Variants in GRM5 observed in about 807,000 individuals in gnomAD.
GRM5 encodes the protein metabotropic glutamate receptor 5.
A neutral mutation model predicts 83.1 loss-of-function variants in GRM5; 19 were observed. The observed-to-expected ratio is 0.23, with a 90% confidence interval of 0.16 to 0.34. The LOEUF (loss-of-function observed/expected upper bound fraction) is 0.34. GRM5 is among the 10% of genes least tolerant of loss of function. The pLI, the probability that GRM5 is intolerant of heterozygous loss-of-function variation, is 1.00. For synonymous variants in GRM5, 675 were observed against 633.6 expected (o/e 1.07, Z -0.98); for missense variants, 1,160 against 1,588.3 (o/e 0.73, Z 4.58).
intron 2 of GRM5, among the ~76,000 whole-genome samples, chr11:88,985,773 T>A (rs1939686446): frequency 6.6e-6 from 1 of 152,124 alleles, no homozygotes; most frequent in African/African-American, 2.4e-5. Flanking sequence ...CAGATGCAAG[T>A]ATGCACATCA....
chr11:88,866,099 C>T (rs560070263), intron 2 of GRM5, among the ~76,000 whole-genome samples: 1 of 152,114 alleles, frequency 6.6e-6, no homozygotes, highest in Non-Finnish European at 1.5e-5. Context: ...TATAAAGACA[C>T]ATTCACACAT....
At chr11:88,963,756 A>G (rs1487626602) in intron 2 of GRM5, among the ~76,000 whole-genome samples, 1 of 152,188 alleles carries the variant, frequency 6.6e-6, no homozygotes, top group Non-Finnish European at 1.5e-5. Flanking sequence ...CGAAACGAAT[A>G]TAAAATACGT....
chr11:88,890,282 T>C (rs888876897), intron 2 of GRM5, among the ~76,000 whole-genome samples: 2 of 152,144 alleles, frequency 1.3e-5, no homozygotes, highest in Non-Finnish European at 2.9e-5. Flanking sequence ...TAGTATAAAA[T>C]GGCACACTTA....
At chr11:88,909,167 G>A (rs1482999295) in intron 2 of GRM5, among the ~76,000 whole-genome samples, 6 of 152,100 alleles carry the variant, frequency 3.9e-5, no homozygotes, top group Non-Finnish European at 8.8e-5. Flanking sequence ...TGTTCCTTGA[G>A]TATATTATTG....
At chr11:88,856,929 A>T (rs1224449481) in intron 2 of GRM5, among the ~76,000 whole-genome samples, 4 of 152,090 alleles carry the variant, frequency 2.6e-5, no homozygotes, top group Non-Finnish European at 4.4e-5. Flanking sequence ...ACAAAGACTG[A>T]TTGTGTAACA....
chr11:88,627,362 AT>A (rs908053491), intron 4 of GRM5, among the ~76,000 whole-genome samples: 3 of 65,224 alleles, frequency 4.6e-5, no homozygotes. Flanking sequence ...AGTTTACCCT[AT>A]AATTTCTTTG....
At chr11:88,698,186 T>C (rs571332568) in intron 3 of GRM5, among the ~76,000 whole-genome samples, 26 of 152,322 alleles carry the variant, frequency 1.7e-4, no homozygotes, top group African/African-American at 6.3e-4. Context: ...TTCCCATTTC[T>C]CTCAGGGTAA....
intron 2 of GRM5, among the ~76,000 whole-genome samples, chr11:88,855,766 G>A (rs1336244433): frequency 6.6e-6 from 1 of 151,710 alleles, no homozygotes; most frequent in Admixed American, 6.6e-5. Flanking sequence ...GTTGCCTATT[G>A]CATATATTCA....
intron 3 of GRM5, among the ~76,000 whole-genome samples, chr11:88,741,340 G>A (rs1325842306): frequency 6.6e-6 from 1 of 152,066 alleles, no homozygotes; most frequent in Non-Finnish European, 1.5e-5. Flanking sequence ...CACCTGCTTC[G>A]GTAGGTGTAG....
At chr11:88,601,558 AT>A (rs1355818904) in intron 5 of GRM5, among the ~76,000 whole-genome samples, 1 of 152,162 alleles carries the variant, frequency 6.6e-6, no homozygotes, top group Non-Finnish European at 1.5e-5. Context: ...AATATAAGAA[AT>A]TTGGCTTTGT....
chr11:89,063,360 C>T (rs957996957), intron 1 of GRM5: 5 of 152,248 alleles, frequency 3.3e-5, no homozygotes, highest in Non-Finnish European at 7.3e-5. Flanking sequence ...CTTTGGCCAC[C>T]CCTGCTCCAC....
chr11:89,048,810 G>T (rs570018754), intron 1 of GRM5, among the ~76,000 whole-genome samples: 1 of 152,216 alleles, frequency 6.6e-6, no homozygotes, highest in Admixed American at 6.5e-5. Flanking sequence ...CCAATTTTTA[G>T]AGAAAAGAAT....
At chr11:88,644,833 C>A (rs1292056068) in intron 4 of GRM5, among the ~76,000 whole-genome samples, 1 of 151,934 alleles carries the variant, frequency 6.6e-6, no homozygotes, top group Non-Finnish European at 1.5e-5. Context: ...GAATTAAGCA[C>A]CACAGTGGCA....
intron 3 of GRM5, among the ~76,000 whole-genome samples, chr11:88,846,842 G>T (rs575944337): frequency 6.6e-6 from 1 of 152,138 alleles, no homozygotes; most frequent in Non-Finnish European, 1.5e-5. Context: ...AAAATTTTCA[G>T]GAGGTAGCAC....
chr11:88,801,173 A>G (rs1258888823), intron 3 of GRM5, among the ~76,000 whole-genome samples: 1 of 152,002 alleles, frequency 6.6e-6, no homozygotes, highest in South Asian at 2.1e-4. Context: ...AAGTTCCAAA[A>G]TTTTCTCCTA....
chr11:88,964,411 T>C (rs1938882887), intron 2 of GRM5, among the ~76,000 whole-genome samples: 1 of 151,998 alleles, frequency 6.6e-6, no homozygotes, highest in African/African-American at 2.4e-5. Context: ...CTTAAAACTA[T>C]TTTAAATTCT....
At chr11:88,987,915 CA>C (rs1939791490) in intron 2 of GRM5, among the ~76,000 whole-genome samples, 2 of 150,686 alleles carry the variant, frequency 1.3e-5, no homozygotes, top group Admixed American at 1.3e-4. Context: ...GGGGAAAAAA[CA>C]GAACAGAAAA....
intron 2 of GRM5, among the ~76,000 whole-genome samples, chr11:88,962,920 C>T (rs1032306239): frequency 1.3e-5 from 2 of 152,160 alleles, no homozygotes; most frequent in African/African-American, 4.8e-5. Context: ...GAAACCTCGT[C>T]TCTACTAAAA....
At chr11:88,731,507 C>G (rs1181652237) in intron 3 of GRM5, among the ~76,000 whole-genome samples, 2 of 151,976 alleles carry the variant, frequency 1.3e-5, no homozygotes, top group Non-Finnish European at 2.9e-5. Flanking sequence ...TGCAAATGTT[C>G]AACAAATGTT....
Sources: allele counts gnomAD v4.1 joint callset (sites outside exome capture counted in the v4.1 genomes callset), GRCh38; gene constraint gnomAD v4.1.1; transcripts MANE v1.5; gene names NCBI Gene and HGNC (gene_info 2026-07-23, HGNC 2026-07-21).